Variants in GPC6 observed in about 807,000 individuals in gnomAD.
GPC6 encodes the protein glypican-6.
In GPC6, 14 loss-of-function variants were observed where a neutral mutation model predicts 55.2. The ratio of observed to expected loss-of-function variants is 0.25; its 90% confidence interval spans 0.17 to 0.40. The LOEUF is 0.40. Ranked by LOEUF, GPC6 falls within the 10% of genes least tolerant of loss-of-function variation. The pLI is 1.00. For synonymous variants in GPC6, 278 were observed against 259.6 expected, an observed-to-expected ratio of 1.07 and a Z score of -0.68; for missense variants, 641 against 708.5, an observed-to-expected ratio of 0.90 and a Z score of 1.08.
chr13:93,765,219 G>GA (rs1885078588), intron 2 of GPC6, among the ~76,000 whole-genome samples: 1 of 33,414 alleles, frequency 3.0e-5, no homozygotes, highest in South Asian at 6.7e-4. Flanking sequence ...ATCTTTTTAT[G>GA]AAAAAAGATA....
intron 2 of GPC6, among the ~76,000 whole-genome samples, chr13:93,724,323 C>T (rs1356820855): frequency 2.0e-5 from 3 of 151,898 alleles, no homozygotes; most frequent in Non-Finnish European, 4.4e-5. Flanking sequence ...AAAATTAAAG[C>T]ATGTAATTTT....
chr13:93,272,490 G>GTATATATATATATATA (rs71202576), intron 1 of GPC6, among the ~76,000 whole-genome samples: 29 of 95,412 alleles, frequency 3.0e-4, no homozygotes, highest in African/African-American at 1.2e-3. Flanking sequence ...CATTGTCTGT[G>GTATATATATATATATA]TGTATATATA....
intron 4 of GPC6, among the ~76,000 whole-genome samples, chr13:94,168,311 T>C (rs1452120543): frequency 6.6e-6 from 1 of 152,240 alleles, no homozygotes; most frequent in Non-Finnish European, 1.5e-5. Context: ...TCTATTTGGC[T>C]GTCTTTAGGT....
chr13:93,630,189 A>G (rs972645805), intron 2 of GPC6, among the ~76,000 whole-genome samples: 7 of 152,214 alleles, frequency 4.6e-5, no homozygotes, highest in Non-Finnish European at 1.0e-4. Flanking sequence ...TAATTACTCA[A>G]GAGACTTAGT....
In GPC6 at chr13:93,402,618, C is replaced by T. The variant is rs536600281; in HGVS notation, c.161-142645C>T. Among the ~76,000 whole-genome samples the T allele has an allele frequency of 4.5e-4, 69 of 152,200 alleles. 1 individual carries two copies. Among genetic ancestry groups the T allele is most frequent in the Middle Eastern group, 6.8e-3 (2 of 292 alleles). ...TAGCGCTACACCGTACTGACAGTAGCCATATGTGCCTTGATTTCTATCTGG... is the reference window on the plus strand; with the variant it reads ...TAGCGCTACACCGTACTGACAGTAGTCATATGTGCCTTGATTTCTATCTGG... On this transcript the variant is annotated intron_variant, in intron 1 of 8. Transcript: ENST00000377047.
intron 4 of GPC6, among the ~76,000 whole-genome samples, chr13:94,134,908 A>G (rs1041023207): frequency 2.0e-5 from 3 of 152,168 alleles, no homozygotes; most frequent in African/African-American, 7.2e-5. Context: ...CATAAGATCT[A>G]TTTGTTGTTT....
chr13:93,914,299 A>G (rs1437624797), intron 3 of GPC6, among the ~76,000 whole-genome samples: 2 of 151,916 alleles, frequency 1.3e-5, no homozygotes, highest in Non-Finnish European at 2.9e-5. Context: ...TGCCGCCTAT[A>G]AGTGAGAACA....
At chr13:93,742,721 C>T (rs985342098) in intron 2 of GPC6, among the ~76,000 whole-genome samples, 3 of 152,130 alleles carry the variant, frequency 2.0e-5, no homozygotes, top group Non-Finnish European at 4.4e-5. Context: ...AAGAAGCATG[C>T]TCATCAAATT....
At chr13:93,582,306 T>C (rs1342934859) in intron 2 of GPC6, among the ~76,000 whole-genome samples, 1 of 152,152 alleles carries the variant, frequency 6.6e-6, no homozygotes, top group Admixed American at 6.5e-5. Context: ...TGTCATGGAG[T>C]AAAAATTGGA....
chr13:93,725,437 T>C (rs1883599792), intron 2 of GPC6, among the ~76,000 whole-genome samples: 1 of 152,100 alleles, frequency 6.6e-6, no homozygotes, highest in East Asian at 1.9e-4. Flanking sequence ...GGGAGAAATA[T>C]CAAATAAACA....
chr13:93,922,131 G>T (rs1039993215), intron 3 of GPC6, among the ~76,000 whole-genome samples: 2 of 152,162 alleles, frequency 1.3e-5, no homozygotes, highest in African/African-American at 4.8e-5. Context: ...ATAGTGAAAA[G>T]GTGTGGGAAA....
chr13:93,605,429 CTTTT>C (rs1034009691), intron 2 of GPC6, among the ~76,000 whole-genome samples: 9 of 152,284 alleles, frequency 5.9e-5, no homozygotes, highest in Admixed American at 5.9e-4. Context: ...GATAGACTTT[CTTTT>C]AAGACTAGTA....
chr13:93,916,939 C>T (rs774700666), intron 3 of GPC6, among the ~76,000 whole-genome samples: 2 of 152,082 alleles, frequency 1.3e-5, no homozygotes, highest in Admixed American at 6.5e-5. Flanking sequence ...CCATCTTAGC[C>T]ATCCTAACCA....
chr13:93,708,892 C>T (rs1882949096), intron 2 of GPC6, among the ~76,000 whole-genome samples: 1 of 151,672 alleles, frequency 6.6e-6, no homozygotes, highest in Admixed American at 6.6e-5. Context: ...TTTGTGCTTG[C>T]TAGGTTTCAG....
intron 2 of GPC6, among the ~76,000 whole-genome samples, chr13:93,616,405 G>T (rs1878725261): frequency 6.6e-6 from 1 of 152,054 alleles, no homozygotes; most frequent in African/African-American, 2.4e-5. Context: ...TGTGCGATTA[G>T]ATCATTGATA....
chr13:93,694,144 T>C (rs952839974), intron 2 of GPC6, among the ~76,000 whole-genome samples: 4 of 152,182 alleles, frequency 2.6e-5, no homozygotes, highest in Non-Finnish European at 1.5e-5. Flanking sequence ...TTTATTAATA[T>C]TTCTGAAATA....
chr13:94,100,623 G>T (rs925276426), intron 4 of GPC6, among the ~76,000 whole-genome samples: 1 of 152,156 alleles, frequency 6.6e-6, no homozygotes, highest in Admixed American at 6.5e-5. Context: ...ACTTTCTAGG[G>T]ATCTGAACTT....
chr13:93,922,271 A>G (rs990744413), intron 3 of GPC6, among the ~76,000 whole-genome samples: 3 of 152,134 alleles, frequency 2.0e-5, no homozygotes, highest in Non-Finnish European at 2.9e-5. Flanking sequence ...AACTCTCTCT[A>G]GTGGTTGCAG....
At chr13:93,996,601 G>T (rs1264086368) in intron 3 of GPC6, among the ~76,000 whole-genome samples, 3 of 151,988 alleles carry the variant, frequency 2.0e-5, no homozygotes, top group Non-Finnish European at 4.4e-5. Flanking sequence ...AAAGCAAACT[G>T]CTCTGCTTAT....
Sources: allele counts gnomAD v4.1 joint callset (sites outside exome capture counted in the v4.1 genomes callset), GRCh38; gene constraint gnomAD v4.1.1; transcripts MANE v1.5; gene names NCBI Gene and HGNC (gene_info 2026-07-23, HGNC 2026-07-21).